Variants in CORO1B observed in about 807,000 individuals in gnomAD.
CORO1B encodes coronin-1B.
In CORO1B, 30 loss-of-function variants were observed where a neutral mutation model predicts 51.1. That is an observed-to-expected ratio of 0.59 (90% CI 0.44 to 0.80). The LOEUF (loss-of-function observed/expected upper bound fraction) is 0.80, where lower values mean the gene tolerates loss of function less well. Ranked by LOEUF, CORO1B falls within the 30% of genes least tolerant of loss-of-function variation. The pLI, the probability that CORO1B is intolerant of heterozygous loss-of-function variation, is 0.00. For missense variants in CORO1B, 648 were observed against 700.4 expected (o/e 0.93, Z 0.84); for synonymous variants, 310 against 289.7 (o/e 1.07, Z -0.71).
chr11:67,439,752 A>G, intron 9 of CORO1B, 34 bp downstream of exon 9: 1 of 1,563,926 alleles, frequency 6.4e-7, no homozygotes, highest in Non-Finnish European at 8.7e-7. Context: ...TGCTGGAGAA[A>G]GGGCCAAGTG....
Position 67,438,457 on chromosome 11 carries a change from C to T in CORO1B, c.1389G>A (p.Leu463=), listed in dbSNP as rs1173835859. ...CGCCCTGCTCCTTGACCAGCGCCCTCAGGGCCCGCAGCTCCTGCATCACCT... is the reference window on the plus strand; with the variant it reads ...CGCCCTGCTCCTTGACCAGCGCCCTTAGGGCCCGCAGCTCCTGCATCACCT... The part of the protein sequence containing the change: ...LEEVMQELRA[L]RALVKEQGDR... The change falls in exon 11 of 11, where the codon CTG becomes CTA. Residue 463 remains leucine (L), a synonymous_variant. Coordinates refer to ENST00000341356, the MANE Select transcript of CORO1B (RefSeq NM_020441.3). 5 of 1,611,086 alleles carry T rather than the reference C, an allele frequency of 3.1e-6. No individual in the cohort carries two copies. The highest frequency in any genetic ancestry group is 4.2e-6 in the Non-Finnish European group (5 of 1,178,600).
Position 67,436,177 on chromosome 11 carries a change from A to G in CORO1B, c.*2199T>C, listed in dbSNP as rs1428357714. 1.3e-6 allele frequency: 2 copies of G among 1,559,516 alleles called. No homozygotes were observed. The highest frequency in any genetic ancestry group is 2.4e-5 in the East Asian group (1 of 41,918). On this transcript the variant is annotated 3_prime_UTR_variant, in exon 11 of 11. Coordinates refer to ENST00000341356, the MANE Select transcript of CORO1B (RefSeq NM_020441.3). ...CCGGGTGGTAGTAGCCCCCTGAGTC[A>G]CGGCTGAGGCGGCGCCAGGCCAGTG...
Position 67,436,382 on chromosome 11 carries a change from C to T in CORO1B, c.*1994G>A, listed in dbSNP as rs1271191918. On this transcript the variant is annotated 3_prime_UTR_variant, in exon 11 of 11. Transcript: ENST00000341356. ...GAGACAGGCAGGGGCTCAGAGGGCT[C>T]AGCACCTGGGGTGGGGCCTGGTGTG... 6.3e-6 allele frequency: 9 copies of T among 1,431,874 alleles called. No homozygotes were observed. The highest frequency in any genetic ancestry group is 8.2e-6 in the Non-Finnish European group (9 of 1,096,070). 88.7% of individuals were successfully genotyped at this position (1,431,874 alleles called of 1,614,324 possible).
chr11:67,440,624 T>G, intron 6 of CORO1B, 185 bp from the exon 7 acceptor site: 2 of 695,184 alleles, frequency 2.9e-6, no homozygotes, highest in Non-Finnish European at 2.6e-6. Context: ...CTTCACTTTA[T>G]TCCCAGGGTC....
At position 67,438,764 on chromosome 11, in the gene CORO1B, G is replaced by A. The variant is rs377019509; in HGVS notation, c.1251C>T (p.Pro417=). Residue 417 remains proline (P), a synonymous_variant, in exon 10 of 11, where the codon CCC becomes CCT. Coordinates refer to ENST00000341356, the MANE Select transcript of CORO1B (RefSeq NM_020441.3). ...SRRNVLSDSR[P]AMAPGSSHLG... ...GGTGGGAGGAGCCCGGGGCCATGGC[G>A]GGCCGGCTGTCAGACAACACGTTGC... 4.9e-5 allele frequency: 77 copies of A among 1,572,540 alleles called. No individual in the cohort carries two copies. The African/African-American group carries it at 6.5e-4, about 13-fold the overall frequency.
chr11:67,442,218 A>C (rs918841628), intron 2 of CORO1B, 130 bp from the exon 3 acceptor site: 50 of 1,470,764 alleles, frequency 3.4e-5, no homozygotes, highest in Non-Finnish European at 4.6e-5. Flanking sequence ...CCCACTTGCC[A>C]GGTGAGCAGG....
chr11:67,437,375 A>G lies in CORO1B; in HGVS notation c.*1001T>C, dbSNP rs1864309094. ...GTTCCCGCTCACAGGAAGACCAGGT[A>G]AGGGCCTTCCCAGGGCTCCTGACAG... On this transcript the variant is annotated 3_prime_UTR_variant, in exon 11 of 11. Transcript: ENST00000341356. 5.0e-6 allele frequency: 2 copies of G among 402,336 alleles called. No homozygotes were observed. Among genetic ancestry groups the G allele is most frequent in the Admixed American group, 9.0e-5 (2 of 22,332 alleles). The allele number at this position is 402,336 out of a possible 1,614,324, so 24.9% of individuals were successfully genotyped here. A position where few individuals can be genotyped will look rare whatever the true frequency, so the allele number is the denominator to read the frequency against.
Position 67,437,707 on chromosome 11 carries a change from A to G in CORO1B, c.*669T>C, listed in dbSNP as rs1198058841. 1.2e-5 allele frequency: 16 copies of G among 1,300,896 alleles called. No individual in the cohort carries two copies. The highest frequency in any genetic ancestry group is 1.6e-5 in the Non-Finnish European group (16 of 1,008,100). 80.6% of individuals were successfully genotyped at this position (1,300,896 alleles called of 1,614,324 possible). ...TGAGCTCAGTGCTCGTCTGCAGTGAAGGGTGGCCCAGGCTTCCGCTTCCTG... is the reference window on the plus strand; with the variant it reads ...TGAGCTCAGTGCTCGTCTGCAGTGAGGGGTGGCCCAGGCTTCCGCTTCCTG... On this transcript the variant is annotated 3_prime_UTR_variant, in exon 11 of 11. Transcript: ENST00000341356.
rs527464175 is a variant in CORO1B, at chr11:67,435,611, A to G, written c.*2765T>C. On this transcript the variant is annotated 3_prime_UTR_variant, in exon 11 of 11. Coordinates refer to ENST00000341356, the MANE Select transcript of CORO1B (RefSeq NM_020441.3). ...GGTACACATGGACTTGGGAACTGGTAGGGGGTGACAGTCTGAGGCATGGTC... is the reference window on the plus strand; with the variant it reads ...GGTACACATGGACTTGGGAACTGGTGGGGGGTGACAGTCTGAGGCATGGTC... 2.4e-5 allele frequency: 34 copies of G among 1,410,454 alleles called. No homozygotes were observed. The African/African-American group carries it at 4.3e-4, about 18-fold the overall frequency. The allele number at this position is 1,410,454 out of a possible 1,614,324, so 87.4% of individuals were successfully genotyped here.
At chr11:67,440,562 C>A in intron 6 of CORO1B, 123 bp from the exon 7 acceptor site, 1 of 866,984 alleles carries the variant, frequency 1.2e-6, no homozygotes, top group Non-Finnish European at 1.9e-6. Flanking sequence ...GGTGGGCCCT[C>A]TGCCATCTCT....
In CORO1B at chr11:67,442,543, A is replaced by G; in HGVS notation, c.86T>C (p.Ile29Thr). The G allele has an allele frequency of 6.2e-7, 1 of 1,613,818 alleles. No homozygotes were observed. The highest frequency in any genetic ancestry group is 1.1e-5 in the South Asian group (1 of 91,090). The change falls in exon 2 of 11, where the codon ATT becomes ACT. Residue 29 changes from isoleucine to threonine, a missense_variant. Ile to Thr is a moderately conservative substitution (Grantham distance 89, BLOSUM62 -1). Transcript: ENST00000341356. ...PVKNDQCYED[I>T]RVSRVTWDST... Reference sequence around the variant, plus strand: ...GTCCCAGGTAACACGGGACACGCGAATGTCCTCATAGCACTGGTCGTTCTT... The same window carrying G: ...GTCCCAGGTAACACGGGACACGCGAGTGTCCTCATAGCACTGGTCGTTCTT...
intron 8 of CORO1B, 56 bp from the exon 9 acceptor site, chr11:67,439,899 G>A (rs1393223981): frequency 6.1e-6 from 7 of 1,155,672 alleles, no homozygotes; most frequent in East Asian, 3.3e-5. Context: ...CCCACCCACC[G>A]CCAGCTCTCC....
Position 67,438,286 on chromosome 11 carries a change from G to A in CORO1B, c.*90C>T. The A allele has an allele frequency of 6.6e-7, 1 of 1,510,074 alleles. No homozygotes were observed. The highest frequency in any genetic ancestry group is 8.9e-7 in the Non-Finnish European group (1 of 1,123,812). 93.5% of individuals were successfully genotyped at this position (1,510,074 alleles called of 1,614,324 possible). A position where few individuals can be genotyped will look rare whatever the true frequency, so the allele number is the denominator to read the frequency against. ...ACCCCTGCGCTGCCTCAGAGGCTCTGGGCAGCCAGCTAGCCCGGTGCGACC... is the reference window on the plus strand; with the variant it reads ...ACCCCTGCGCTGCCTCAGAGGCTCTAGGCAGCCAGCTAGCCCGGTGCGACC... On this transcript the variant is annotated 3_prime_UTR_variant, in exon 11 of 11. Transcript: ENST00000341356.
chr11:67,440,903 A>T (rs1864380394), intron 6 of CORO1B: 4 of 679,518 alleles, frequency 5.9e-6, no homozygotes, highest in Admixed American at 4.6e-5. Flanking sequence ...CATGAACAAC[A>T]TGGGCAAAGA....
rs1250167152 is a variant in CORO1B, at chr11:67,436,663, C to T, written c.*1713G>A. 4 of 310,960 alleles carry T rather than the reference C, an allele frequency of 1.3e-5. No individual in the cohort carries two copies. Among genetic ancestry groups the T allele is most frequent in the African/African-American group, 2.2e-5 (1 of 46,266 alleles). 19.3% of individuals were successfully genotyped at this position (310,960 alleles called of 1,614,324 possible). Reference sequence around the variant, plus strand: ...TCCTCCCATCCTCCCCTCCCCCGGGCTGCATGGCCTGCTCACCGTGCTCAA... The same window carrying T: ...TCCTCCCATCCTCCCCTCCCCCGGGTTGCATGGCCTGCTCACCGTGCTCAA... On this transcript the variant is annotated 3_prime_UTR_variant, in exon 11 of 11. Transcript: ENST00000341356.
Position 67,438,705 on chromosome 11 carries a change from T to G in CORO1B, c.1310A>C (p.Asp437Ala), listed in dbSNP as rs562837525. 48 of 1,550,502 alleles carry G rather than the reference T, an allele frequency of 3.1e-5. No homozygotes were observed. The East Asian group carries it at 7.9e-4, about 25-fold the overall frequency. The stretch of plus-strand genomic sequence containing the variant: ...GGCCAGGCTGCCGCTGGGGGTGGCA[T>G]CAGCAGCAGTGGTGGTGGAGGCGGG... Reference protein sequence around the residue: ...GAPASTTTAADATPSGSLARA... With the variant: ...GAPASTTTAAAATPSGSLARA... The change falls in exon 10 of 11, where the codon GAT (aspartate) becomes GCT (alanine). Residue 437 changes from aspartate (D) to alanine (A), a missense_variant. Coordinates refer to ENST00000341356, the MANE Select transcript of CORO1B (RefSeq NM_020441.3).
intron 9 of CORO1B, 130 bp downstream of exon 9, chr11:67,439,656 G>T (rs940936257): frequency 5.0e-6 from 5 of 990,500 alleles, no homozygotes; most frequent in African/African-American, 1.6e-5. Flanking sequence ...GGGCAAGCTG[G>T]CATCTGTCCA....
At chr11:67,439,577 C>G (rs905272440) in intron 9 of CORO1B, among the ~76,000 whole-genome samples, 1 of 152,240 alleles carries the variant, frequency 6.6e-6, no homozygotes, top group East Asian at 1.9e-4. Flanking sequence ...AGAGCAGGGC[C>G]CCTGCTCACC....
At position 67,440,118 on chromosome 11, in the gene CORO1B, C is replaced by T. The variant is rs761836281; in HGVS notation, c.1007G>A (p.Arg336Gln). 54 of 1,608,586 alleles carry T rather than the reference C, an allele frequency of 3.4e-5. No individual in the cohort carries two copies. The highest frequency in any genetic ancestry group is 4.6e-5 in the Non-Finnish European group (54 of 1,177,192). ...CGAGTGGCCTCGGTAGCCCTCTTAC[C>T]GGGCGATCTCGCACTTGCTGACCTC... ...GLEVSKCEIA[R>Q]FYKLHERKCE... Residue 336 changes from arginine to glutamine, a missense_variant and splice_region_variant, in exon 8 of 11, where the codon CGG becomes CAG. Arg to Gln is a conservative substitution (Grantham distance 43). Coordinates refer to ENST00000341356, the MANE Select transcript of CORO1B (RefSeq NM_020441.3).
Sources: gnomAD v4.1 joint callset for allele counts (sites outside exome capture counted in the v4.1 genomes callset) on GRCh38, gnomAD v4.1.1 for gene constraint, MANE v1.5 for transcripts, NCBI Gene and HGNC (gene_info 2026-07-23, HGNC 2026-07-21) for gene names.